The following NPAS3 variants were observed in gnomAD, a reference collection of about 807,000 sequenced individuals.
NPAS3 encodes neuronal PAS domain-containing protein 3.
A neutral mutation model predicts 73.1 loss-of-function variants in NPAS3; 14 were observed. That is an observed-to-expected ratio of 0.19 (90% CI 0.13 to 0.30). The LOEUF (loss-of-function observed/expected upper bound fraction) is 0.30. NPAS3 is among the 10% of genes least tolerant of loss of function. The pLI is 1.00. For synonymous variants in NPAS3, 620 were observed against 541.5 expected (o/e 1.14, Z -2.01); for missense variants, 1,096 against 1,250.0 (o/e 0.88, Z 1.86).
At chr14:33,686,634 G>A (rs931305770) in intron 6 of NPAS3, among the ~76,000 whole-genome samples, 6 of 152,060 alleles carry the variant, frequency 3.9e-5, no homozygotes, top group Non-Finnish European at 8.8e-5. Flanking sequence ...ACAGATGAGA[G>A]GCCTAAGAAA....
chr14:33,627,931 G>A (rs1487990818), intron 5 of NPAS3, among the ~76,000 whole-genome samples: 1 of 152,188 alleles, frequency 6.6e-6, no homozygotes. Flanking sequence ...CTTATCAGCA[G>A]TGTATTTATT....
rs1027671635 is a variant in NPAS3 at position 33,091,585 on chromosome 14, T to G, written c.140+35591T>G. 1.1e-4 allele frequency among the ~76,000 whole-genome samples: 16 copies of G among 152,314 alleles called. No individual in the cohort carries two copies. The East Asian group carries it at 3.1e-3, about 29-fold the overall frequency. On this transcript the variant is annotated intron_variant, in intron 2 of 11. Coordinates refer to ENST00000356141, the Ensembl canonical transcript of NPAS3. ...TATAAGGAGGAGCTGGTACCATTCCTTCTGAAGCTATTCCAATCAATAGAA... is the reference window on the plus strand; with the variant it reads ...TATAAGGAGGAGCTGGTACCATTCCGTCTGAAGCTATTCCAATCAATAGAA...
intron 1 of NPAS3, among the ~76,000 whole-genome samples, chr14:33,004,796 TTTCTATTGTAAAAAGTTTTCC>T (rs1278578316): frequency 6.7e-6 from 1 of 148,360 alleles, no homozygotes; most frequent in Non-Finnish European, 1.5e-5. Flanking sequence ...CATAAGCTTT[TTTCTATTGTAAAAAGTTTTCC>T]TTTTTTTTTT....
intron 1 of NPAS3, among the ~76,000 whole-genome samples, chr14:33,030,435 C>T (rs2039948904): frequency 6.6e-6 from 1 of 152,134 alleles, no homozygotes; most frequent in African/African-American, 2.4e-5. Context: ...TAATACACTG[C>T]TTTAAAAATG....
chr14:33,743,753 C>T (rs936967489), intron 7 of NPAS3, among the ~76,000 whole-genome samples: 7 of 152,220 alleles, frequency 4.6e-5, no homozygotes, highest in Admixed American at 2.6e-4. Flanking sequence ...AATGTAGTTA[C>T]CTTCATCAAT....
intron 1 of NPAS3, among the ~76,000 whole-genome samples, chr14:32,948,096 A>G (rs966714764): frequency 6.6e-6 from 1 of 152,210 alleles, no homozygotes; most frequent in African/African-American, 2.4e-5. Flanking sequence ...TAAGAATCTC[A>G]GGAATCTCTT....
intron 2 of NPAS3, among the ~76,000 whole-genome samples, chr14:33,180,802 G>GAAAAAAAAAAAAAAAAAA (rs869085160): frequency 1.3e-5 from 1 of 74,708 alleles, no homozygotes; most frequent in African/African-American, 6.1e-5. Flanking sequence ...CTGTCTCCAA[G>GAAAAAAAAAAAAAAAAAA]AAAAAAAAAA....
At chr14:33,605,850 TA>T (rs35926450) in intron 5 of NPAS3, among the ~76,000 whole-genome samples, 35,352 of 151,766 alleles carry the variant, frequency 0.23, 5,496 homozygotes, top group African/African-American at 0.44. Context: ...TAGACTTTTT[TA>T]TACAAAATGA....
At chr14:33,360,529 C>T (rs573273411) in intron 3 of NPAS3, among the ~76,000 whole-genome samples, 4 of 152,138 alleles carry the variant, frequency 2.6e-5, no homozygotes, top group Non-Finnish European at 4.4e-5. Context: ...TAACTTTAAG[C>T]TTTACATCCA....
chr14:33,335,523 T>C (rs1566807848), intron 3 of NPAS3, among the ~76,000 whole-genome samples: 1 of 152,206 alleles, frequency 6.6e-6, no homozygotes, highest in Non-Finnish European at 1.5e-5. Context: ...TGTTCCGAAG[T>C]GGCCTTGTCT....
chr14:33,423,335 C>T (rs1017404179), intron 4 of NPAS3, among the ~76,000 whole-genome samples: 3 of 151,938 alleles, frequency 2.0e-5, no homozygotes, highest in Non-Finnish European at 4.4e-5. Context: ...TTTATGTACT[C>T]TCAGTACATT....
chr14:33,568,414 ATT>A (rs2056066330), intron 5 of NPAS3, among the ~76,000 whole-genome samples: 1 of 152,184 alleles, frequency 6.6e-6, no homozygotes, highest in South Asian at 2.1e-4. Context: ...TTAATGGCTT[ATT>A]TTATTATGCA....
intron 3 of NPAS3, among the ~76,000 whole-genome samples, chr14:33,264,429 AAAAG>A (rs2049095514): frequency 2.0e-5 from 3 of 152,202 alleles, no homozygotes; most frequent in African/African-American, 7.2e-5. Flanking sequence ...AATAATAAAA[AAAAG>A]AAAAAGTAAC....
chr14:33,221,805 T>G (rs2047440191), intron 3 of NPAS3, among the ~76,000 whole-genome samples: 1 of 152,226 alleles, frequency 6.6e-6, no homozygotes, highest in African/African-American at 2.4e-5. Context: ...TGCCTTTGAC[T>G]ATGTCATCAT....
chr14:32,942,562 A>G (rs781698313), intron 1 of NPAS3, among the ~76,000 whole-genome samples: 24 of 152,210 alleles, frequency 1.6e-4, no homozygotes, highest in Non-Finnish European at 2.9e-4. Context: ...CACTACCACA[A>G]AGTTTTTCTA....
chr14:33,344,706 T>C (rs1229088268), intron 3 of NPAS3, among the ~76,000 whole-genome samples: 1 of 152,224 alleles, frequency 6.6e-6, no homozygotes, highest in Non-Finnish European at 1.5e-5. Context: ...AAAGCAATTT[T>C]GTCAATTTAT....
rs1555373360 is a variant in NPAS3, at chr14:32,939,638, A to AG, written c.50+272_50+273insG. Among the ~76,000 whole-genome samples, 11 of 149,438 alleles carry AG rather than the reference A, an allele frequency of 7.4e-5. No individual in the cohort carries two copies. The South Asian group carries it at 1.2e-3, about 17-fold the overall frequency. ...GACTCACTGACAAAAAAAAAAAAAAAAAGAAGAAAGAAACAGAAAAGAGAA... is the reference window on the plus strand; with the variant it reads ...GACTCACTGACAAAAAAAAAAAAAAAGAAGAAGAAAGAAACAGAAAAGAGAA... On this transcript the variant is annotated intron_variant, in intron 1 of 11. Transcript: ENST00000356141.
chr14:33,602,607 C>T (rs530511028), intron 5 of NPAS3, among the ~76,000 whole-genome samples: 219 of 152,300 alleles, frequency 1.4e-3, no homozygotes, highest in African/African-American at 4.9e-3. Flanking sequence ...CTTGCTCTGC[C>T]TCTTCTATAT....
intron 4 of NPAS3, among the ~76,000 whole-genome samples, chr14:33,462,651 A>G (rs2050326297): frequency 6.6e-6 from 1 of 152,292 alleles, no homozygotes; most frequent in African/African-American, 2.4e-5. Flanking sequence ...TTACTCCAGC[A>G]TAACACACAT....
Sources: gnomAD v4.1 joint callset for allele counts (sites outside exome capture counted in the v4.1 genomes callset) on GRCh38, gnomAD v4.1.1 for gene constraint, MANE v1.5 for transcripts, NCBI Gene and HGNC (gene_info 2026-07-23, HGNC 2026-07-21) for gene names.